Variants in SNURF observed in about 807,000 individuals in gnomAD.
The protein encoded by SNURF is SNRPN upstream open reading frame, also known as SNURF protein.
A neutral mutation model predicts 11.6 loss-of-function variants in SNURF; 6 were observed. The ratio of observed to expected loss-of-function variants is 0.52; its 90% CI spans 0.28 to 1.02. SNURF has a LOEUF of 1.02. Among genes scored for constraint, SNURF ranks in the 50% least tolerant of loss-of-function variants. The probability of loss-of-function intolerance (pLI) is 0.09; values close to 1 mark genes in which losing one functional copy is unlikely to be tolerated. For missense variants in SNURF, 84 were observed against 88.4 expected, an observed-to-expected ratio of 0.95 and a Z score of 0.20; for synonymous variants, 29 against 31.6, an observed-to-expected ratio of 0.92 and a Z score of 0.27.
chr15:24,976,256 T>G (rs767081803), intron 4 of SNURF: 1 of 1,338,524 alleles, frequency 7.5e-7, no homozygotes. Context: ...TTTTGATGAG[T>G]GAGTGATCAC....
chr15:24,970,111 G>A (rs1444192462), downstream of SNURF, among the ~76,000 whole-genome samples: 1 of 152,174 alleles, frequency 6.6e-6, no homozygotes, highest in Non-Finnish European at 1.5e-5. Flanking sequence ...TATATACGAA[G>A]TATACATTAC....
At chr15:24,978,545 A>G (rs1764810948), downstream of SNURF, 1 of 996,322 alleles carries the variant, frequency 1.0e-6, no homozygotes, top group Non-Finnish European at 1.6e-6. Context: ...CTGCATTAAT[A>G]ATAGCTAATA....
intron 2 of SNURF, among the ~76,000 whole-genome samples, chr15:24,967,596 C>T (rs1166021088): frequency 2.6e-5 from 4 of 151,076 alleles, no homozygotes; most frequent in African/African-American, 4.9e-5. Context: ...GAGCCCAGAT[C>T]GTGCCACTGC....
At chr15:24,961,693 A>G (rs898546784) in intron 1 of SNURF, among the ~76,000 whole-genome samples, 6 of 152,204 alleles carry the variant, frequency 3.9e-5, no homozygotes, top group African/African-American at 1.4e-4. Context: ...CTATTCCACT[A>G]TATAAGTATG....
intron 1 of SNURF, among the ~76,000 whole-genome samples, chr15:24,958,386 C>G (rs1229070297): frequency 8.1e-6 from 1 of 124,218 alleles, no homozygotes; most frequent in Non-Finnish European, 1.7e-5. Flanking sequence ...GTCCTGTCTC[C>G]TTTTTTTTTT....
rs1001484984 is a variant in SNURF at position 24,965,148 on chromosome 15, C to G, written c.111-2784C>G. Among the ~76,000 whole-genome samples, 2 of 152,082 alleles carry G rather than the reference C, an allele frequency of 1.3e-5. 1 individual carries two copies. ...CTTAGAATGTTATACTAGAAGTGTT[C>G]AATATTTACCCATTCATCTCCTACT... On this transcript the variant is annotated intron_variant, in intron 2 of 2. Transcript: ENST00000577949.
At chr15:24,957,434 G>A (rs1227503929) in intron 1 of SNURF, among the ~76,000 whole-genome samples, 1 of 152,118 alleles carries the variant, frequency 6.6e-6, no homozygotes, top group Non-Finnish European at 1.5e-5. Context: ...TTTGAAGTTG[G>A]AGCTACTACA....
intron 1 of SNURF, among the ~76,000 whole-genome samples, chr15:24,955,307 G>A (rs1293045388): frequency 2.0e-5 from 3 of 151,966 alleles, no homozygotes; most frequent in Admixed American, 1.3e-4. Flanking sequence ...GTGGTGTCGC[G>A]ACAGGTCCTA....
chr15:24,967,920 C>T lies in SNURF; in HGVS notation c.111-12C>T, dbSNP rs780944030. On this transcript the variant is annotated splice_polypyrimidine_tract_variant and intron_variant, in intron 2 of 2. Transcript: ENST00000577949. ...ATTTTTATCATTTATATATATTGTG[C>T]TCTTGTTGTAGGTGTCAGTTGTACC... 6.2e-7 allele frequency: 1 copy of T among 1,605,804 alleles called. No individual in the cohort carries two copies. The highest frequency in any genetic ancestry group is 1.3e-5 in the African/African-American group (1 of 74,444).
chr15:24,969,316 A>G (rs373460121), downstream of SNURF, among the ~76,000 whole-genome samples: 187 of 152,158 alleles, frequency 1.2e-3, 3 homozygotes, highest in African/African-American at 4.4e-3. Context: ...TTTGGTAGAG[A>G]CGGGGTTTCA....
At chr15:24,956,397 G>C (rs1054952245) in intron 1 of SNURF, among the ~76,000 whole-genome samples, 1 of 151,792 alleles carries the variant, frequency 6.6e-6, no homozygotes, top group Non-Finnish European at 1.5e-5. Context: ...CCAGTGGGGA[G>C]GGGGCAGGTG....
chr15:24,962,092 A>T (rs1420510236), intron 1 of SNURF, 22 bp from the exon 2 acceptor site: 2 of 1,600,660 alleles, frequency 1.2e-6, no homozygotes, highest in African/African-American at 1.3e-5. Flanking sequence ...TACCAAACAA[A>T]TGCCTCTCTT....
chr15:24,956,495 C>T (rs1177631511), intron 1 of SNURF, among the ~76,000 whole-genome samples: 4 of 152,146 alleles, frequency 2.6e-5, no homozygotes, highest in African/African-American at 9.7e-5. Flanking sequence ...CCAAGGTGGG[C>T]GGCTGCCCCC....
intron 2 of SNURF, among the ~76,000 whole-genome samples, chr15:24,966,540 A>G (rs1488568136): frequency 1.3e-5 from 2 of 151,270 alleles, no homozygotes; most frequent in Non-Finnish European, 2.9e-5. Context: ...CAAAACCCCA[A>G]CCCTTTAGTC....
chr15:24,957,641 A>G (rs903956953), intron 1 of SNURF, among the ~76,000 whole-genome samples: 4 of 152,224 alleles, frequency 2.6e-5, no homozygotes, highest in African/African-American at 9.6e-5. Flanking sequence ...AGTTAAATCT[A>G]CGAAGCCCGA....
intron 3 of SNURF, chr15:24,974,884 T>C (rs963159439): frequency 2.8e-6 from 2 of 702,156 alleles, no homozygotes; most frequent in Non-Finnish European, 5.2e-6. Flanking sequence ...TTTCATGATG[T>C]GAGAAAATAC....
chr15:24,964,175 T>C (rs892693408), intron 2 of SNURF, among the ~76,000 whole-genome samples: 4 of 152,196 alleles, frequency 2.6e-5, no homozygotes, highest in African/African-American at 9.7e-5. Flanking sequence ...TTTTTTAAAA[T>C]TGCTTTGGAA....
chr15:24,975,013 ACAGTACAGAGAAAAG>A, intron 3 of SNURF: 1 of 702,486 alleles, frequency 1.4e-6, no homozygotes, highest in Non-Finnish European at 2.6e-6. Flanking sequence ...TTTGGCATTA[ACAGTACAGAGAAAAG>A]CAGTCTGGAG....
intron 4 of SNURF, chr15:24,976,280 A>G (rs369652818): frequency 5.7e-6 from 9 of 1,573,044 alleles, no homozygotes; most frequent in Non-Finnish European, 7.9e-6. Context: ...AATTTATCTC[A>G]CTAAAATTTA....
Sources: gnomAD v4.1 joint callset for allele counts (sites outside exome capture counted in the v4.1 genomes callset) on GRCh38, gnomAD v4.1.1 for gene constraint, MANE v1.5 for transcripts, NCBI Gene and HGNC (gene_info 2026-07-23, HGNC 2026-07-21) for gene names.